Variants in KPTN observed in about 807,000 individuals in gnomAD.
The protein encoded by KPTN is kaptin, actin binding protein.
In KPTN, 36 loss-of-function variants were observed where a neutral mutation model predicts 52.6. The ratio of observed to expected loss-of-function variants is 0.68; its 90% CI spans 0.52 to 0.90. KPTN has a LOEUF of 0.90. KPTN is among the 40% of genes least tolerant of loss of function. KPTN has a pLI of 0.00. For synonymous variants in KPTN, 271 were observed against 248.4 expected (o/e 1.09, Z -0.85); for missense variants, 529 against 576.2 (o/e 0.92, Z 0.84).
chr19:47,483,535 C>G lies in KPTN; in HGVS notation c.276G>C (p.Lys92Asn). ...SIDTFNKSPP[K>N]RGLVVGITFI... ...ACGTGATCCCCACAACCAGACCCCG[C>G]TTGGGGGGTGACTTGTTGAAAGTGT... Residue 92 changes from lysine (K) to asparagine (N), a missense_variant, in exon 2 of 12, where the codon AAG (lysine) becomes AAC (asparagine). Physicochemically the swap from Lys to Asn is moderately conservative, Grantham distance 94. Coordinates refer to ENST00000338134, the MANE Select transcript of KPTN (RefSeq NM_007059.4). 1 of 1,581,182 alleles carries G rather than the reference C, an allele frequency of 6.3e-7. No homozygotes were observed. The highest frequency in any genetic ancestry group is 2.3e-5 in the East Asian group (1 of 43,060).
chr19:47,485,824 T>A (rs1968057489), upstream of KPTN, among the ~76,000 whole-genome samples: 1 of 152,202 alleles, frequency 6.6e-6, no homozygotes, highest in Non-Finnish European at 1.5e-5. Context: ...GCTGCTGTAT[T>A]CCCAGGGCCT....
chr19:47,475,453 C>G lies in KPTN; in HGVS notation c.1274G>C (p.Gly425Ala). 1 of 1,613,362 alleles carries G rather than the reference C, an allele frequency of 6.2e-7. No individual in the cohort carries two copies. The highest frequency in any genetic ancestry group is 8.5e-7 in the Non-Finnish European group (1 of 1,179,516). ...ATTCTCAGCAGGCCCTGCACCTGCC[C>G]CGTCCTCCAACCCCTGTAGCCGACG... Reference protein sequence around the residue: ...RRRRLQGLEDGAGAGPAENAA... With the variant: ...RRRRLQGLEDAAGAGPAENAA... Residue 425 changes from glycine to alanine, a missense_variant, in exon 12 of 12, where the codon GGG becomes GCG. By Grantham distance (60) the Gly-to-Ala change is moderately conservative. Coordinates refer to ENST00000338134, the MANE Select transcript of KPTN (RefSeq NM_007059.4).
At chr19:47,479,969 C>T in intron 7 of KPTN, 29 bp from the exon 8 acceptor site, 1 of 1,581,638 alleles carries the variant, frequency 6.3e-7, no homozygotes, top group Non-Finnish European at 8.6e-7. Context: ...TTCAGAGCCC[C>T]AACCCCACCC....
At chr19:47,484,241 C>A (rs187166781), upstream of KPTN, 2,162 of 1,454,666 alleles carry the variant, frequency 1.5e-3, 24 homozygotes, top group African/African-American at 0.027. Flanking sequence ...CGACCTGAAC[C>A]GCCGGGTGCC....
chr19:47,478,159 G>C (rs57952618), intron 8 of KPTN, among the ~76,000 whole-genome samples: 2,145 of 152,214 alleles, frequency 0.014, 43 homozygotes, highest in African/African-American at 0.049. Context: ...CCTTTAATGA[G>C]AGACATGCAG....
rs987680167 is a variant in KPTN at position 47,480,291 on chromosome 19, C to G, written c.709+7G>C. 6.5e-7 allele frequency: 1 copy of G among 1,536,932 alleles called. No individual in the cohort carries two copies. On this transcript the variant is annotated splice_region_variant and intron_variant, in intron 7 of 11. Coordinates refer to ENST00000338134, the MANE Select transcript of KPTN (RefSeq NM_007059.4). ...CACCCCTTACCCCGCCTCACCGCGGCCCTCACCTCGACTCCGCTGGTCCAC... is the reference window on the plus strand; with the variant it reads ...CACCCCTTACCCCGCCTCACCGCGGGCCTCACCTCGACTCCGCTGGTCCAC...
intron 11 of KPTN, 112 bp downstream of exon 11, chr19:47,476,420 G>A: frequency 1.2e-6 from 1 of 809,234 alleles, no homozygotes; most frequent in Non-Finnish European, 1.8e-6. Flanking sequence ...TGTCCTGACT[G>A]GTAGGAACTG....
chr19:47,480,571 C>T, intron 6 of KPTN, 164 bp from the exon 7 acceptor site: 2 of 734,672 alleles, frequency 2.7e-6, no homozygotes, highest in Non-Finnish European at 4.6e-6. Context: ...CAATTCTCAC[C>T]ACCCGAGGGC....
In KPTN at chr19:47,483,963, G is replaced by A; in HGVS notation, c.198C>T (p.Ala66=). The A allele has an allele frequency of 6.2e-7, 1 of 1,613,706 alleles. No homozygotes were observed. Among genetic ancestry groups the A allele is most frequent in the Non-Finnish European group, 8.5e-7 (1 of 1,179,980 alleles). ...GAATGTAGTTGAACTGCAGCTCCTT[G>A]GCCACTGGCCGGATTTTCTGTCGGA... ...QDLRQKIRPV[A]KELQFNYIPV... The change falls in exon 1 of 12, where the codon GCC becomes GCT. Residue 66 remains alanine (A), a synonymous_variant. Transcript: ENST00000338134.
intron 6 of KPTN, 108 bp downstream of exon 6, chr19:47,480,652 A>C: frequency 9.5e-7 from 1 of 1,057,146 alleles, no homozygotes; most frequent in Non-Finnish European, 1.5e-6. Flanking sequence ...CCGTGGACTG[A>C]TTTTTCTGAG....
Position 47,484,077 on chromosome 19 carries a change from C to A in KPTN, c.84G>T (p.Val28=), listed in dbSNP as rs1303101501. The A allele has an allele frequency of 8.7e-6, 14 of 1,609,746 alleles. No homozygotes were observed. Among genetic ancestry groups the A allele is most frequent in the Non-Finnish European group, 1.1e-5 (13 of 1,179,840 alleles). The change falls in exon 1 of 12, where the codon GTG becomes GTT. Residue 28 remains valine (V), a synonymous_variant. Coordinates refer to ENST00000338134, the MANE Select transcript of KPTN (RefSeq NM_007059.4). Reference sequence around the variant, plus strand: ...CGCCGGCGCCGCCTGCCAGCCCGTACACATTGCTCTGCGACGAGAAGCGCG... The same window carrying A: ...CGCCGGCGCCGCCTGCCAGCCCGTAAACATTGCTCTGCGACGAGAAGCGCG... ...SFTRFSSQSN[V]YGLAGGAGGR...
At chr19:47,481,137 T>C in intron 4 of KPTN, 104 bp from the exon 5 acceptor site, 3 of 894,292 alleles carry the variant, frequency 3.4e-6, no homozygotes, top group Non-Finnish European at 1.8e-6. Flanking sequence ...ACCTTAACAT[T>C]CTGGGATCCA....
rs778956369 is a variant in KPTN, at chr19:47,475,451, C to A, written c.1276G>T (p.Ala426Ser). Residue 426 changes from alanine to serine, a missense_variant, in exon 12 of 12, where the codon GCA becomes TCA. Coordinates refer to ENST00000338134, the MANE Select transcript of KPTN (RefSeq NM_007059.4). The stretch of plus-strand genomic sequence containing the variant: ...GCATTCTCAGCAGGCCCTGCACCTG[C>A]CCCGTCCTCCAACCCCTGTAGCCGA... ...RRRLQGLEDGAGAGPAENAAS is the reference protein window; with the variant it reads ...RRRLQGLEDGSGAGPAENAAS 5 of 1,613,252 alleles carry A rather than the reference C, an allele frequency of 3.1e-6. No homozygotes were observed. Among genetic ancestry groups the A allele is most frequent in the Non-Finnish European group, 4.2e-6 (5 of 1,179,450 alleles).
intron 6 of KPTN, 40 bp downstream of exon 6, chr19:47,480,720 T>C: frequency 6.3e-7 from 1 of 1,576,562 alleles, no homozygotes; most frequent in Non-Finnish European, 8.7e-7. Flanking sequence ...CTGATGTCAG[T>C]GCCCCGGTCC....
At position 47,484,207 on chromosome 19, in the gene KPTN, C is replaced by A. The variant is rs1967999896; in HGVS notation, c.-47G>T. On this transcript the variant is annotated 5_prime_UTR_variant, in exon 1 of 12. Transcript: ENST00000338134. ...TCCGCAGCCCCCGCCCCAACCCGCA[C>A]TACCCAACCTACGACTCTCTAAGCG... 2 of 1,553,698 alleles carry A rather than the reference C, an allele frequency of 1.3e-6. No homozygotes were observed. Among genetic ancestry groups the A allele is most frequent in the Non-Finnish European group, 1.7e-6 (2 of 1,154,824 alleles).
At chr19:47,480,045 C>A in intron 7 of KPTN, 105 bp from the exon 8 acceptor site, 2 of 913,696 alleles carry the variant, frequency 2.2e-6, no homozygotes, top group Admixed American at 4.2e-5. Flanking sequence ...ACCCTAGCCC[C>A]GCCCCTCTGA....
intron 4 of KPTN, among the ~76,000 whole-genome samples, chr19:47,482,633 A>G (rs555620432): frequency 6.6e-6 from 1 of 152,208 alleles, no homozygotes; most frequent in Admixed American, 6.5e-5. Flanking sequence ...TCCCTGTTAT[A>G]TTACATTTGT....
At chr19:47,481,214 TA>T (rs2122693490) in intron 4 of KPTN, among the ~76,000 whole-genome samples, 181 bp from the exon 5 acceptor site, 1 of 152,276 alleles carries the variant, frequency 6.6e-6, no homozygotes, top group African/African-American at 2.4e-5. Flanking sequence ...TTGAAATACA[TA>T]ACTGTAGAAA....
At chr19:47,481,079 G>T in intron 4 of KPTN, 46 bp from the exon 5 acceptor site, 2 of 1,470,492 alleles carry the variant, frequency 1.4e-6, no homozygotes, top group South Asian at 1.2e-5. Context: ...AATCCACATG[G>T]TCTGAGAACC....
Sources: gnomAD v4.1 joint callset for allele counts (sites outside exome capture counted in the v4.1 genomes callset) on GRCh38, gnomAD v4.1.1 for gene constraint, MANE v1.5 for transcripts, NCBI Gene and HGNC (gene_info 2026-07-23, HGNC 2026-07-21) for gene names.